The following PDE6C variants were observed in gnomAD, a reference collection of about 807,000 sequenced individuals.
PDE6C encodes phosphodiesterase 6C.
Under a neutral mutation model 113.1 loss-of-function variants are expected in PDE6C, and 75 were observed. That is an observed-to-expected ratio of 0.66 (90% confidence interval 0.55 to 0.80). PDE6C has a LOEUF of 0.80. PDE6C is among the 30% of genes least tolerant of loss of function. The pLI is 0.00. For missense variants in PDE6C, 912 were observed against 1,038.6 expected (o/e 0.88, Z 1.67); for synonymous variants, 375 against 363.7 (o/e 1.03, Z -0.35).
chr10:93,639,267 G>A lies in PDE6C; in HGVS notation c.1483-803G>A, dbSNP rs138091260. ...GGACATTCAGTTTCTCCCTCGGCAT[G>A]GAGCACTGGCCATACTCTCTGATTA... On this transcript the variant is annotated intron_variant, in intron 11 of 21. Coordinates refer to ENST00000371447, the MANE Select transcript of PDE6C (RefSeq NM_006204.4). Among the ~76,000 whole-genome samples the A allele has an allele frequency of 2.0e-3, 299 of 152,264 alleles. 1 individual carries two copies. The highest frequency in any genetic ancestry group is 6.8e-3 in the Middle Eastern group (2 of 292).
At chr10:93,659,349 A>C (rs766768138) in intron 18 of PDE6C, among the ~76,000 whole-genome samples, 182 bp downstream of exon 18, 1 of 152,188 alleles carries the variant, frequency 6.6e-6, no homozygotes, top group Non-Finnish European at 1.5e-5. Context: ...TGGAAGGAGA[A>C]TTCTTTCTTG....
At chr10:93,644,530 A>C (rs1351168034) in intron 14 of PDE6C, among the ~76,000 whole-genome samples, 2 of 151,974 alleles carry the variant, frequency 1.3e-5, no homozygotes, top group Non-Finnish European at 2.9e-5. Context: ...ATCACCTTGA[A>C]CATTTATGAT....
intron 14 of PDE6C, among the ~76,000 whole-genome samples, chr10:93,644,291 G>A (rs1321232363): frequency 6.6e-6 from 1 of 152,152 alleles, no homozygotes; most frequent in Non-Finnish European, 1.5e-5. Context: ...TGAAACGTTA[G>A]TTTGAGATCA....
chr10:93,637,455 C>G (rs1232406717), intron 11 of PDE6C, among the ~76,000 whole-genome samples: 1 of 152,164 alleles, frequency 6.6e-6, no homozygotes, highest in African/African-American at 2.4e-5. Context: ...CCTGCCATTT[C>G]TAGCTTCTCT....
chr10:93,626,739 C>A (rs549222856), intron 6 of PDE6C, 35 bp downstream of exon 6: 1 of 1,602,328 alleles, frequency 6.2e-7, no homozygotes, highest in East Asian at 2.2e-5. Context: ...CCGCAGTTGC[C>A]GTTGTATTTT....
intron 4 of PDE6C, among the ~76,000 whole-genome samples, chr10:93,622,649 T>A (rs2184777): frequency 1.4e-5 from 1 of 70,294 alleles, no homozygotes; most frequent in Non-Finnish European, 2.9e-5. Flanking sequence ...GTTTTTTTTT[T>A]GTTTTTTTTT....
At chr10:93,628,324 CCTGTAATCGT>C (rs1421284671) in intron 7 of PDE6C, among the ~76,000 whole-genome samples, 1 of 152,116 alleles carries the variant, frequency 6.6e-6, no homozygotes, top group East Asian at 1.9e-4. Context: ...GTGGCTCACG[CCTGTAATCGT>C]AGCACTTTGG....
chr10:93,651,785 G>A (rs776149051), intron 15 of PDE6C, among the ~76,000 whole-genome samples: 1 of 152,122 alleles, frequency 6.6e-6, no homozygotes, highest in Non-Finnish European at 1.5e-5. Context: ...AATGTCTTTG[G>A]TCTAGGAGAT....
intron 1 of PDE6C, among the ~76,000 whole-genome samples, chr10:93,616,597 C>T (rs1448029621): frequency 1.3e-5 from 2 of 150,732 alleles, no homozygotes; most frequent in Non-Finnish European, 3.0e-5. Flanking sequence ...ATATGGTTGG[C>T]CAAAAAATGG....
intron 8 of PDE6C, among the ~76,000 whole-genome samples, chr10:93,631,416 A>G (rs535548176): frequency 6.6e-6 from 1 of 152,374 alleles, no homozygotes; most frequent in East Asian, 1.9e-4. Context: ...CCTGGAAGAC[A>G]GCCAGATACC....
At chr10:93,614,404 A>T (rs1368610264) in intron 1 of PDE6C, among the ~76,000 whole-genome samples, 3 of 152,168 alleles carry the variant, frequency 2.0e-5, no homozygotes, top group Non-Finnish European at 4.4e-5. Context: ...GTCCTGAATA[A>T]TTCCTCCTTT....
intron 15 of PDE6C, among the ~76,000 whole-genome samples, chr10:93,654,813 T>A (rs2058628650): frequency 7.3e-6 from 1 of 137,082 alleles, no homozygotes. Context: ...TTTCTTTCTT[T>A]TTTTTTTTTT....
intron 13 of PDE6C, 70 bp downstream of exon 13, chr10:93,640,627 A>T (rs908670268): frequency 4.7e-6 from 5 of 1,068,820 alleles, no homozygotes; most frequent in African/African-American, 4.6e-5. Context: ...AGAAATAGGT[A>T]TGGTCCATCA....
At chr10:93,637,779 C>T (rs1367912950) in intron 11 of PDE6C, among the ~76,000 whole-genome samples, 1 of 152,152 alleles carries the variant, frequency 6.6e-6, no homozygotes, top group Admixed American at 6.5e-5. Flanking sequence ...ACCAGAATCA[C>T]CTGTAGATCT....
chr10:93,642,257 G>A (rs2058563709), intron 14 of PDE6C, among the ~76,000 whole-genome samples: 1 of 152,126 alleles, frequency 6.6e-6, no homozygotes, highest in African/African-American at 2.4e-5. Context: ...TCAGCTACTT[G>A]AGAGGGTGAG....
intron 15 of PDE6C, among the ~76,000 whole-genome samples, chr10:93,654,810 C>CTTT (rs57025205): frequency 3.9e-5 from 3 of 77,116 alleles, no homozygotes; most frequent in Admixed American, 1.5e-4. Context: ...TTCTTTCTTT[C>CTTT]TTTTTTTTTT....
At chr10:93,629,395 G>C in intron 8 of PDE6C, 90 bp downstream of exon 8, 3 of 978,384 alleles carry the variant, frequency 3.1e-6, no homozygotes, top group Non-Finnish European at 5.0e-6. Flanking sequence ...GAGTCCGCCT[G>C]ATGCTCAGGT....
Position 93,620,926 on chromosome 10 carries a change from C to T in PDE6C, c.669C>T (p.Ile223=), listed in dbSNP as rs2058442754. 1 of 1,614,122 alleles carries T rather than the reference C, an allele frequency of 6.2e-7. No individual in the cohort carries two copies. The highest frequency in any genetic ancestry group is 8.5e-7 in the Non-Finnish European group (1 of 1,179,982). ...AATACCTCAACTTTGTGTCTATCAT[C>T]CTAAGGCTTCATCACACCAGCTACA... The part of the protein sequence containing the change: ...FSKYLNFVSI[I]LRLHHTSYMY... Residue 223 remains isoleucine (I), a synonymous_variant, in exon 3 of 22, where the codon ATC becomes ATT. Transcript: ENST00000371447.
chr10:93,662,815 G>A (rs1307814388), intron 20 of PDE6C, among the ~76,000 whole-genome samples, 172 bp downstream of exon 20: 1 of 152,156 alleles, frequency 6.6e-6, no homozygotes, highest in African/African-American at 2.4e-5. Flanking sequence ...GGAATAAAAG[G>A]AGGGAACTCA....
Sources: gnomAD v4.1 joint callset for allele counts (sites outside exome capture counted in the v4.1 genomes callset) on GRCh38, gnomAD v4.1.1 for gene constraint, MANE v1.5 for transcripts, NCBI Gene and HGNC (gene_info 2026-07-23, HGNC 2026-07-21) for gene names.